The following CTDSPL2 variants were observed in gnomAD, a reference collection of about 807,000 sequenced individuals.
CTDSPL2 encodes the protein CTD small phosphatase like 2, also known as CTD small phosphatase-like protein 2.
In CTDSPL2, 5 loss-of-function variants were observed where a neutral mutation model predicts 60.0. The ratio of observed to expected loss-of-function variants is 0.08; its 90% CI spans 0.04 to 0.18. The LOEUF (loss-of-function observed/expected upper bound fraction) is 0.18. Among genes scored for constraint, CTDSPL2 ranks in the 10% least tolerant of loss-of-function variants. The pLI, the probability that CTDSPL2 is intolerant of heterozygous loss-of-function variation, is 1.00. For missense variants in CTDSPL2, 370 were observed against 548.8 expected (o/e 0.67, Z 3.26); for synonymous variants, 186 against 189.3 (o/e 0.98, Z 0.14).
chr15:44,510,365 C>T (rs901531237), intron 8 of CTDSPL2, among the ~76,000 whole-genome samples: 8 of 152,064 alleles, frequency 5.3e-5, no homozygotes, highest in African/African-American at 1.9e-4. Context: ...TGAACATGTT[C>T]ATAAATCTGT....
chr15:44,437,038 A>G (rs1194300522), intron 1 of CTDSPL2, among the ~76,000 whole-genome samples: 1 of 152,216 alleles, frequency 6.6e-6, no homozygotes, highest in Non-Finnish European at 1.5e-5. Context: ...GTAATTTTAA[A>G]CAATATTTTT....
At chr15:44,460,336 C>T (rs1054761238) in intron 2 of CTDSPL2, among the ~76,000 whole-genome samples, 1 of 152,124 alleles carries the variant, frequency 6.6e-6, no homozygotes, top group African/African-American at 2.4e-5. Context: ...TCTTGATCTC[C>T]TGACCTTGTG....
intron 8 of CTDSPL2, among the ~76,000 whole-genome samples, chr15:44,506,495 T>C: frequency 6.8e-6 from 1 of 147,498 alleles, no homozygotes; most frequent in Non-Finnish European, 1.5e-5. Flanking sequence ...CTGCTCACTA[T>C]AGCCTCTATC....
intron 8 of CTDSPL2, among the ~76,000 whole-genome samples, chr15:44,506,019 T>C (rs1438980831): frequency 6.7e-6 from 1 of 149,968 alleles, no homozygotes; most frequent in African/African-American, 2.5e-5. Context: ...TATGCTTCAT[T>C]GGTAACTTTT....
chr15:44,454,328 C>A lies in CTDSPL2; in HGVS notation c.-24-4663C>A, dbSNP rs536077418. 4.5e-3 allele frequency among the ~76,000 whole-genome samples: 679 copies of A among 152,084 alleles called. 4 individuals carry two copies. The highest frequency in any genetic ancestry group is 0.016 in the African/African-American group (646 of 41,484). On this transcript the variant is annotated intron_variant, in intron 1 of 12. Coordinates refer to ENST00000260327, the MANE Select transcript of CTDSPL2 (RefSeq NM_016396.3). ...TTCTTTGTAGATTCCAGATATTAGC[C>A]CTTTGTCAGATGAGTAGATTGCAAA...
Position 44,452,424 on chromosome 15 carries a change from A to G in CTDSPL2, c.-24-6567A>G, listed in dbSNP as rs558309412. 3.2e-4 allele frequency among the ~76,000 whole-genome samples: 49 copies of G among 152,238 alleles called. No homozygotes were observed. In the South Asian group the frequency reaches 0.01, roughly 32 times the overall value. ...CTTACATGAAAACACCACAGTATTCATCTTTCTGTTTTGGGGCATTTTTGT... is the reference window on the plus strand; with the variant it reads ...CTTACATGAAAACACCACAGTATTCGTCTTTCTGTTTTGGGGCATTTTTGT... On this transcript the variant is annotated intron_variant, in intron 1 of 12. Coordinates refer to ENST00000260327, the MANE Select transcript of CTDSPL2 (RefSeq NM_016396.3).
chr15:44,522,434 A>G (rs529652341), intron 12 of CTDSPL2, among the ~76,000 whole-genome samples: 1 of 152,270 alleles, frequency 6.6e-6, no homozygotes, highest in East Asian at 1.9e-4. Flanking sequence ...TTCTCTTACA[A>G]ATTGCTAAGC....
chr15:44,483,552 T>A (rs1197198702), intron 2 of CTDSPL2, among the ~76,000 whole-genome samples: 4 of 151,376 alleles, frequency 2.6e-5, no homozygotes, highest in East Asian at 1.9e-4. Context: ...AAAAAAAAAA[T>A]TTACAAATTA....
At chr15:44,467,956 T>A (rs186482083) in intron 2 of CTDSPL2, among the ~76,000 whole-genome samples, 1 of 152,152 alleles carries the variant, frequency 6.6e-6, no homozygotes, top group Admixed American at 6.5e-5. Flanking sequence ...TGCTGGGGAT[T>A]TTTTTTTAAG....
chr15:44,514,585 T>G lies in CTDSPL2; in HGVS notation c.970-13T>G, dbSNP rs758360452. On this transcript the variant is annotated splice_polypyrimidine_tract_variant and intron_variant, in intron 8 of 12. Transcript: ENST00000260327. ...ATGTTTATTTGCTGAAACTTATCTT[T>G]GTATTTCCTTAGGTTTATGTGAGAT... is the stretch of plus-strand genomic sequence containing the variant. The G allele has an allele frequency of 1.3e-6, 2 of 1,543,946 alleles. No individual in the cohort carries two copies.
At chr15:44,495,662 A>G (rs2081287001) in intron 5 of CTDSPL2, among the ~76,000 whole-genome samples, 1 of 151,666 alleles carries the variant, frequency 6.6e-6, no homozygotes, top group Non-Finnish European at 1.5e-5. Flanking sequence ...GTCCGGGCGC[A>G]GTGGCTCACG....
At chr15:44,466,217 G>A (rs915930131) in intron 2 of CTDSPL2, among the ~76,000 whole-genome samples, 5 of 151,998 alleles carry the variant, frequency 3.3e-5, no homozygotes, top group African/African-American at 7.2e-5. Flanking sequence ...GATTACAGGC[G>A]TGAGCCACCG....
At chr15:44,454,243 T>C (rs1384570314) in intron 1 of CTDSPL2, among the ~76,000 whole-genome samples, 1 of 152,252 alleles carries the variant, frequency 6.6e-6, no homozygotes, top group African/African-American at 2.4e-5. Context: ...GAGGAGTGTC[T>C]GTTAATATCC....
chr15:44,523,031 C>T (rs2081809420), intron 12 of CTDSPL2, among the ~76,000 whole-genome samples: 1 of 151,948 alleles, frequency 6.6e-6, no homozygotes, highest in Admixed American at 6.6e-5. Context: ...GGATCTTGTG[C>T]TTTCGCCCAG....
intron 2 of CTDSPL2, among the ~76,000 whole-genome samples, chr15:44,474,713 G>A (rs529653654): frequency 6.6e-6 from 1 of 151,790 alleles, no homozygotes; most frequent in Non-Finnish European, 1.5e-5. Flanking sequence ...AAAATTAACC[G>A]GGCATGGTGA....
intron 2 of CTDSPL2, among the ~76,000 whole-genome samples, chr15:44,472,855 G>A (rs1366522068): frequency 6.6e-6 from 1 of 152,264 alleles, no homozygotes; most frequent in Non-Finnish European, 1.5e-5. Context: ...AATGGAGACA[G>A]GGTTTCACCG....
At chr15:44,450,998 C>T (rs1287086854) in intron 1 of CTDSPL2, among the ~76,000 whole-genome samples, 1 of 152,080 alleles carries the variant, frequency 6.6e-6, no homozygotes, top group African/African-American at 2.4e-5. Flanking sequence ...GATTAAAATA[C>T]TTATACATGT....
intron 11 of CTDSPL2, chr15:44,520,132 CTTTT>C (rs2081737204): frequency 6.8e-6 from 1 of 148,052 alleles, no homozygotes; most frequent in African/African-American, 2.5e-5. Flanking sequence ...GATATGATTT[CTTTT>C]TTCTTTTTTT....
chr15:44,483,900 C>T (rs2081074260), intron 2 of CTDSPL2, among the ~76,000 whole-genome samples: 1 of 152,128 alleles, frequency 6.6e-6, no homozygotes, highest in African/African-American at 2.4e-5. Context: ...AAGGACACTT[C>T]TAAAAATGAG....
Sources: allele counts gnomAD v4.1 joint callset (sites outside exome capture counted in the v4.1 genomes callset), GRCh38; gene constraint gnomAD v4.1.1; transcripts MANE v1.5; gene names NCBI Gene and HGNC (gene_info 2026-07-23, HGNC 2026-07-21).